The following REEP3 variants were observed in gnomAD, a reference collection of about 807,000 sequenced individuals.
REEP3 encodes the protein receptor expression-enhancing protein 3.
Under a neutral mutation model 41.3 loss-of-function variants are expected in REEP3, and 20 were observed. The ratio of observed to expected loss-of-function variants is 0.48; its 90% CI spans 0.34 to 0.70. The LOEUF (loss-of-function observed/expected upper bound fraction) is 0.70, where lower values mean the gene tolerates loss of function less well. Among genes scored for constraint, REEP3 ranks in the 30% least tolerant of loss-of-function variants. REEP3 has a pLI of 0.01. For synonymous variants in REEP3, 104 were observed against 101.8 expected (o/e 1.02, Z -0.13); for missense variants, 271 against 308.8 (o/e 0.88, Z 0.92).
In REEP3 at chr10:63,623,112, C is replaced by G. The variant is rs2133442215; in HGVS notation, c.*2243C>G. On this transcript the variant is annotated 3_prime_UTR_variant, in exon 8 of 8. Transcript: ENST00000373758. ...TTATTTATTACTCTGTACTTCTAGACTCAAAATTCTTTATCAAAGATAGTC... is the reference window on the plus strand; with the variant it reads ...TTATTTATTACTCTGTACTTCTAGAGTCAAAATTCTTTATCAAAGATAGTC... 6.6e-6 allele frequency: 1 copy of G among 152,320 alleles called. No homozygotes were observed. Among genetic ancestry groups the G allele is most frequent in the African/African-American group, 2.4e-5 (1 of 41,560 alleles). 9.4% of individuals were successfully genotyped at this position (152,320 alleles called of 1,614,324 possible).
chr10:63,614,214 G>A (rs1404988189), intron 6 of REEP3, among the ~76,000 whole-genome samples: 1 of 152,108 alleles, frequency 6.6e-6, no homozygotes, highest in African/African-American at 2.4e-5. Context: ...TCGTTTGCCA[G>A]ATTGGCCAAA....
chr10:63,552,395 A>G (rs779563871), intron 1 of REEP3, among the ~76,000 whole-genome samples: 1 of 152,162 alleles, frequency 6.6e-6, no homozygotes, highest in Non-Finnish European at 1.5e-5. Flanking sequence ...TGGACCACAG[A>G]GCAAGACTCC....
Position 63,616,265 on chromosome 10 carries a change from C to T in REEP3, c.566-3390C>T, listed in dbSNP as rs143686168. ...CTCATAACCCACCCTTTCCAACCCACCCCATGCTGATTACATTCTCTTACT... is the reference window on the plus strand; with the variant it reads ...CTCATAACCCACCCTTTCCAACCCATCCCATGCTGATTACATTCTCTTACT... On this transcript the variant is annotated intron_variant, in intron 6 of 7. Coordinates refer to ENST00000373758, the MANE Select transcript of REEP3 (RefSeq NM_001001330.3). Among the ~76,000 whole-genome samples, 336 of 152,226 alleles carry T rather than the reference C, an allele frequency of 2.2e-3. 2 individuals are homozygous for T. Among genetic ancestry groups the T allele is most frequent in the Admixed American group, 7.5e-3 (114 of 15,276 alleles).
chr10:63,576,520 C>G (rs537749036), intron 2 of REEP3, among the ~76,000 whole-genome samples: 19 of 152,228 alleles, frequency 1.2e-4, no homozygotes, highest in Admixed American at 2.6e-4. Context: ...GTCTATTTTG[C>G]CTCTTCATCT....
chr10:63,608,263 T>C (rs1335971032), intron 5 of REEP3, among the ~76,000 whole-genome samples: 5 of 152,238 alleles, frequency 3.3e-5, no homozygotes, highest in Non-Finnish European at 7.3e-5. Flanking sequence ...AAATGTTTTT[T>C]AAATGTGTGA....
chr10:63,581,744 A>T (rs1265461348), intron 2 of REEP3, among the ~76,000 whole-genome samples: 2 of 123,452 alleles, frequency 1.6e-5, no homozygotes, highest in South Asian at 2.2e-4. Flanking sequence ...CCCTGTATTT[A>T]AAAAAAAAAA....
At chr10:63,617,556 T>C (rs539855881) in intron 6 of REEP3, among the ~76,000 whole-genome samples, 4 of 152,054 alleles carry the variant, frequency 2.6e-5, no homozygotes, top group Admixed American at 6.6e-5. Context: ...CACAACACCA[T>C]ACCCGGCTAA....
chr10:63,565,706 T>C (rs1955791691), intron 1 of REEP3, among the ~76,000 whole-genome samples: 1 of 152,176 alleles, frequency 6.6e-6, no homozygotes, highest in African/African-American at 2.4e-5. Context: ...TGTGATTATC[T>C]CTGACTGGCA....
chr10:63,612,878 C>T (rs374732452), intron 6 of REEP3, among the ~76,000 whole-genome samples: 6 of 152,216 alleles, frequency 3.9e-5, no homozygotes, highest in African/African-American at 1.4e-4. Context: ...TATCTTAGAC[C>T]AGAGTCCTTT....
At chr10:63,571,323 A>G (rs933750510) in intron 2 of REEP3, among the ~76,000 whole-genome samples, 1 of 152,208 alleles carries the variant, frequency 6.6e-6, no homozygotes, top group African/African-American at 2.4e-5. Context: ...ATTCTCTTAC[A>G]GTCCTAGAGG....
chr10:63,597,018 G>C (rs1956121595), intron 3 of REEP3, among the ~76,000 whole-genome samples: 1 of 152,134 alleles, frequency 6.6e-6, no homozygotes, highest in Non-Finnish European at 1.5e-5. Flanking sequence ...GAGGGTAATG[G>C]GTAATGGAGT....
chr10:63,527,313 A>T (rs1955374439), intron 1 of REEP3, among the ~76,000 whole-genome samples: 1 of 152,066 alleles, frequency 6.6e-6, no homozygotes, highest in Admixed American at 6.5e-5. Context: ...AACTCTTTTA[A>T]TCTACTATAC....
chr10:63,618,602 G>C (rs2133437850), intron 6 of REEP3, among the ~76,000 whole-genome samples: 1 of 152,264 alleles, frequency 6.6e-6, no homozygotes, highest in East Asian at 1.9e-4. Flanking sequence ...TAGTACTCTG[G>C]TTGTCTGAGA....
intron 1 of REEP3, among the ~76,000 whole-genome samples, chr10:63,548,730 A>C (rs957971632): frequency 5.3e-5 from 8 of 152,216 alleles, no homozygotes; most frequent in African/African-American, 1.9e-4. Flanking sequence ...CCCATTGAAA[A>C]AAAAAATGCT....
At chr10:63,555,757 A>G (rs561706477) in intron 1 of REEP3, among the ~76,000 whole-genome samples, 32 of 152,350 alleles carry the variant, frequency 2.1e-4, no homozygotes, top group Middle Eastern at 3.4e-3. Context: ...ATCCAACACC[A>G]AACTAAGCAT....
chr10:63,574,226 G>A, intron 2 of REEP3, among the ~76,000 whole-genome samples: 1 of 152,160 alleles, frequency 6.6e-6, no homozygotes, highest in East Asian at 1.9e-4. Context: ...TGATTTAGCA[G>A]TTACCCAATG....
chr10:63,546,528 C>T (rs993935246), intron 1 of REEP3, among the ~76,000 whole-genome samples: 44 of 152,238 alleles, frequency 2.9e-4, no homozygotes, highest in Non-Finnish European at 5.3e-4. Flanking sequence ...ATAGTCAAGA[C>T]AATCTTGAAG....
rs554642557 is a variant in REEP3 at position 63,622,419 on chromosome 10, G to A, written c.*1550G>A. Reference sequence around the variant, plus strand: ...ATATATAACAAGTAAAATTAATTCAGTTTTCTTCTCCCAACGTTTAATTCT... The same window carrying A: ...ATATATAACAAGTAAAATTAATTCAATTTTCTTCTCCCAACGTTTAATTCT... On this transcript the variant is annotated 3_prime_UTR_variant, in exon 8 of 8. Coordinates refer to ENST00000373758, the MANE Select transcript of REEP3 (RefSeq NM_001001330.3). The A allele has an allele frequency of 6.6e-6, 1 of 152,224 alleles. No homozygotes were observed. Among genetic ancestry groups the A allele is most frequent in the South Asian group, 2.1e-4 (1 of 4,818 alleles). 9.4% of individuals were successfully genotyped at this position (152,224 alleles called of 1,614,324 possible). A position where few individuals can be genotyped will look rare whatever the true frequency, so the allele number is the denominator to read the frequency against.
chr10:63,586,559 C>G (rs1564485293), intron 2 of REEP3, among the ~76,000 whole-genome samples: 1 of 151,950 alleles, frequency 6.6e-6, no homozygotes, highest in African/African-American at 2.4e-5. Flanking sequence ...GTAAAGTGCT[C>G]CAGTAGTGAA....
Sources: gnomAD v4.1 joint callset for allele counts (sites outside exome capture counted in the v4.1 genomes callset) on GRCh38, gnomAD v4.1.1 for gene constraint, MANE v1.5 for transcripts, NCBI Gene and HGNC (gene_info 2026-07-23, HGNC 2026-07-21) for gene names.